DENND1B: variants seen among roughly 807,000 people sequenced by gnomAD.
DENND1B encodes the protein DENN domain containing 1B.
A neutral mutation model predicts 90.1 loss-of-function variants in DENND1B; 59 were observed. The observed-to-expected ratio is 0.65, with a 90% CI of 0.53 to 0.81. The LOEUF is 0.81. Ranked by LOEUF, DENND1B falls within the 40% of genes least tolerant of loss-of-function variation. The pLI is 0.00. For missense variants in DENND1B, 862 were observed against 912.6 expected (o/e 0.94, Z 0.71); for synonymous variants, 337 against 324.6 (o/e 1.04, Z -0.41).
chr1:197,714,129 A>C (rs1178262411), intron 3 of DENND1B, among the ~76,000 whole-genome samples: 2 of 150,510 alleles, frequency 1.3e-5, no homozygotes, highest in Non-Finnish European at 1.5e-5. Flanking sequence ...GGCGCACGCC[A>C]CCACACACGG....
At chr1:197,542,059 C>T (rs1343250205) in intron 18 of DENND1B, among the ~76,000 whole-genome samples, 1 of 152,142 alleles carries the variant, frequency 6.6e-6, no homozygotes, top group African/African-American at 2.4e-5. Flanking sequence ...GATATAGGTT[C>T]TCTCTATCCT....
chr1:197,674,304 G>A, intron 3 of DENND1B, 135 bp from the exon 4 acceptor site: 1 of 643,422 alleles, frequency 1.6e-6, no homozygotes, highest in Non-Finnish European at 2.7e-6. Flanking sequence ...CAGGTTCCTA[G>A]ACTAAAATAA....
At chr1:197,586,560 T>C (rs971419388) in intron 14 of DENND1B, among the ~76,000 whole-genome samples, 2 of 152,112 alleles carry the variant, frequency 1.3e-5, no homozygotes, top group South Asian at 4.1e-4. Context: ...GATTTCTAGA[T>C]TAAGGGTCAT....
At chr1:197,595,767 T>C (rs180876131) in intron 13 of DENND1B, among the ~76,000 whole-genome samples, 1 of 152,236 alleles carries the variant, frequency 6.6e-6, no homozygotes, top group East Asian at 1.9e-4. Flanking sequence ...TTTTTGGAAG[T>C]CTCATTTGCA....
intron 2 of DENND1B, among the ~76,000 whole-genome samples, chr1:197,740,975 T>G (rs555218160): frequency 6.6e-6 from 1 of 152,212 alleles, no homozygotes; most frequent in South Asian, 2.1e-4. Context: ...ATAAGTAAAT[T>G]TAGTAGATCA....
Position 197,647,023 on chromosome 1 carries a change from G to A in DENND1B, c.507+32C>T, listed in dbSNP as rs188797661. 2.7e-5 allele frequency: 39 copies of A among 1,447,388 alleles called. 1 individual carries two copies. In the African/African-American group the frequency reaches 4.8e-4, roughly 18 times the overall value. 89.7% of individuals were successfully genotyped at this position (1,447,388 alleles called of 1,614,324 possible). A position where few individuals can be genotyped will look rare whatever the true frequency, so the allele number is the denominator to read the frequency against. On this transcript the variant is annotated intron_variant, in intron 8 of 22. Transcript: ENST00000620048. Reference sequence around the variant, plus strand: ...GTGATTATTTTTCCTATTTAATAGTGATTTTTAGAAGCCAATGTCCTTTTA... The same window carrying A: ...GTGATTATTTTTCCTATTTAATAGTAATTTTTAGAAGCCAATGTCCTTTTA...
At chr1:197,754,571 C>T (rs1314501076) in intron 2 of DENND1B, among the ~76,000 whole-genome samples, 1 of 143,198 alleles carries the variant, frequency 7.0e-6, no homozygotes, top group Non-Finnish European at 1.5e-5. Context: ...GGAATGAGAA[C>T]CACTTGAACC....
intron 10 of DENND1B, among the ~76,000 whole-genome samples, chr1:197,633,564 C>G (rs1679521664): frequency 6.6e-6 from 1 of 152,172 alleles, no homozygotes; most frequent in East Asian, 1.9e-4. Flanking sequence ...GTACCTGCAT[C>G]TTCCCTAGGG....
chr1:197,671,122 C>G (rs896327185), intron 5 of DENND1B, among the ~76,000 whole-genome samples: 1 of 152,046 alleles, frequency 6.6e-6, no homozygotes, highest in South Asian at 2.1e-4. Flanking sequence ...GATTTTATAC[C>G]AAAGTTTTCT....
chr1:197,552,843 G>C lies in DENND1B; in HGVS notation c.1240+179C>G, dbSNP rs546743930. The C allele has an allele frequency of 5.1e-6, 7 of 1,363,210 alleles. No individual in the cohort carries two copies. In the South Asian group the frequency reaches 1.4e-4, roughly 26 times the overall value. The allele number at this position is 1,363,210 out of a possible 1,614,324, so 84.4% of individuals were successfully genotyped here. A position where few individuals can be genotyped will look rare whatever the true frequency, so the allele number is the denominator to read the frequency against. ...GCCAACTTAATGCCTTGAGTAACAGGTATCAGGCAAAATAAGCTAATTCCA... is the reference window on the plus strand; with the variant it reads ...GCCAACTTAATGCCTTGAGTAACAGCTATCAGGCAAAATAAGCTAATTCCA... On this transcript the variant is annotated intron_variant, in intron 16 of 22. Transcript: ENST00000620048.
At chr1:197,775,944 C>G (rs944461314), upstream of DENND1B, among the ~76,000 whole-genome samples, 3 of 152,154 alleles carry the variant, frequency 2.0e-5, no homozygotes, top group Non-Finnish European at 4.4e-5. Flanking sequence ...CCAGAGCTAC[C>G]CCCTCCTGAT....
intron 5 of DENND1B, among the ~76,000 whole-genome samples, chr1:197,671,833 A>T (rs1655537564): frequency 6.6e-6 from 1 of 152,132 alleles, no homozygotes; most frequent in South Asian, 2.1e-4. Flanking sequence ...CTAATCTTTA[A>T]AAAATCGATT....
intron 14 of DENND1B, among the ~76,000 whole-genome samples, chr1:197,593,676 G>A (rs1675437787): frequency 6.6e-6 from 1 of 151,968 alleles, no homozygotes; most frequent in Non-Finnish European, 1.5e-5. Context: ...CAAACTGATA[G>A]TTTAAATCAT....
intron 14 of DENND1B, among the ~76,000 whole-genome samples, chr1:197,584,219 T>C (rs1674497658): frequency 1.3e-5 from 2 of 152,180 alleles, no homozygotes. Flanking sequence ...ATTACAGATA[T>C]CTTTAAGTAC....
chr1:197,516,090 T>A (rs1421530768), intron 20 of DENND1B, among the ~76,000 whole-genome samples: 1 of 151,846 alleles, frequency 6.6e-6, no homozygotes, highest in Non-Finnish European at 1.5e-5. Flanking sequence ...ACAAGCATTC[T>A]ATCCATTTCT....
At chr1:197,641,585 A>G (rs985371268) in intron 10 of DENND1B, among the ~76,000 whole-genome samples, 6 of 152,102 alleles carry the variant, frequency 3.9e-5, no homozygotes, top group African/African-American at 1.4e-4. Flanking sequence ...AAATCTCAAA[A>G]TCGTATTTTT....
chr1:197,714,796 T>C (rs1486575411), intron 3 of DENND1B, among the ~76,000 whole-genome samples: 3 of 152,122 alleles, frequency 2.0e-5, no homozygotes. Flanking sequence ...AGTTTAAACA[T>C]CTAGCTCCTA....
At chr1:197,689,340 G>C (rs1023879475) in intron 3 of DENND1B, 13 of 151,974 alleles carry the variant, frequency 8.6e-5, no homozygotes, top group African/African-American at 3.1e-4. Context: ...ACACAGTATG[G>C]GGGAGACTGC....
At chr1:197,687,683 T>C (rs2126011220) in intron 3 of DENND1B, among the ~76,000 whole-genome samples, 1 of 152,226 alleles carries the variant, frequency 6.6e-6, no homozygotes, top group East Asian at 1.9e-4. Context: ...ATGAAGGCCA[T>C]ATATGAAAAA....
Sources: gnomAD v4.1 joint callset for allele counts (sites outside exome capture counted in the v4.1 genomes callset) on GRCh38, gnomAD v4.1.1 for gene constraint, MANE v1.5 for transcripts, NCBI Gene and HGNC (gene_info 2026-07-23, HGNC 2026-07-21) for gene names.